The following TMEM132C variants were observed in gnomAD, a reference collection of about 807,000 sequenced individuals.
The protein encoded by TMEM132C is transmembrane protein 132C.
Under a neutral mutation model 61.4 loss-of-function variants are expected in TMEM132C, and 29 were observed. The observed-to-expected ratio is 0.47, with a 90% CI of 0.35 to 0.64. TMEM132C has a LOEUF of 0.64. TMEM132C is among the 30% of genes least tolerant of loss of function. The pLI is 0.00. For synonymous variants in TMEM132C, 656 were observed against 633.1 expected, an observed-to-expected ratio of 1.04 and a Z score of -0.54; for missense variants, 1,408 against 1,476.9, an observed-to-expected ratio of 0.95 and a Z score of 0.76.
At chr12:128,354,680 T>A (rs372520472) in intron 1 of TMEM132C, among the ~76,000 whole-genome samples, 12 of 152,092 alleles carry the variant, frequency 7.9e-5, no homozygotes, top group African/African-American at 2.7e-4. Flanking sequence ...ATTTAAGGGG[T>A]TTGTCAGGAG....
intron 2 of TMEM132C, among the ~76,000 whole-genome samples, chr12:128,427,387 G>GGTGTGTGTGTGTGT (rs761620460): frequency 1.5e-3 from 192 of 132,322 alleles, no homozygotes; most frequent in African/African-American, 4.3e-3. Flanking sequence ...CTTCCAAAGG[G>GGTGTGTGTGTGTGT]GTGTGTGTGT....
At chr12:128,330,296 G>A (rs1384512302) in intron 1 of TMEM132C, among the ~76,000 whole-genome samples, 1 of 152,208 alleles carries the variant, frequency 6.6e-6, no homozygotes, top group East Asian at 1.9e-4. Context: ...ATTTGATTGA[G>A]TAAACTAATG....
chr12:128,419,306 C>T (rs1713581), intron 2 of TMEM132C, among the ~76,000 whole-genome samples: 70,949 of 151,970 alleles, frequency 0.47, 17,111 homozygotes, highest in South Asian at 0.75. Context: ...AGCCAGCTGG[C>T]AAAGACAGAG....
chr12:128,415,086 T>C lies in TMEM132C; in HGVS notation c.440T>C (p.Val147Ala). 6.2e-7 allele frequency: 1 copy of C among 1,605,626 alleles called. No individual in the cohort carries two copies. The highest frequency in any genetic ancestry group is 2.3e-5 in the East Asian group (1 of 44,420). The change falls in exon 2 of 9, where the codon GTG (valine) becomes GCG (alanine). Residue 147 changes from valine to alanine, a missense_variant. Physicochemically the swap from Val to Ala is moderately conservative, Grantham distance 64. Transcript: ENST00000435159. The surrounding 1 kb of genome is among the most constrained non-coding windows in gnomAD (Gnocchi z 5.8). ...AAAGTCTACCTGAGCCGGCCCAAAGTGCAGGTTCTTTTCCACATCATGGGC... is the reference window on the plus strand; with the variant it reads ...AAAGTCTACCTGAGCCGGCCCAAAGCGCAGGTTCTTTTCCACATCATGGGC... ...RDKVYLSRPK[V>A]QVLFHIMGRD...
intron 1 of TMEM132C, among the ~76,000 whole-genome samples, chr12:128,370,997 T>C (rs1434944500): frequency 6.6e-6 from 1 of 152,040 alleles, no homozygotes; most frequent in Admixed American, 6.6e-5. Flanking sequence ...CCGATAGAAG[T>C]GGTGAAGCAG....
chr12:128,506,232 G>A lies in TMEM132C; in HGVS notation c.975-37725G>A, dbSNP rs139244167. 2.0e-5 allele frequency among the ~76,000 whole-genome samples: 3 copies of A among 152,308 alleles called. No individual in the cohort carries two copies. In the East Asian group the frequency reaches 5.8e-4, roughly 29 times the overall value. On this transcript the variant is annotated intron_variant, in intron 2 of 8. Coordinates refer to ENST00000435159, the MANE Select transcript of TMEM132C (RefSeq NM_001136103.3). ...CAGGAGAAAGCAGTGGGGAATGGCT[G>A]GGGGCAGCCAGCCTCAGCATCATCT...
intron 2 of TMEM132C, among the ~76,000 whole-genome samples, chr12:128,433,320 A>G (rs977333363): frequency 6.6e-6 from 1 of 152,240 alleles, no homozygotes; most frequent in Non-Finnish European, 1.5e-5. Context: ...CAGAACAAAA[A>G]GACGACTGTG....
intron 2 of TMEM132C, among the ~76,000 whole-genome samples, chr12:128,523,360 G>T (rs913433102): frequency 1.3e-5 from 2 of 152,200 alleles, no homozygotes; most frequent in African/African-American, 4.8e-5. Context: ...TTGCAATACT[G>T]TGCCGATGCT....
intron 2 of TMEM132C, among the ~76,000 whole-genome samples, chr12:128,487,503 T>G (rs1823035782): frequency 6.6e-6 from 1 of 151,984 alleles, no homozygotes; most frequent in South Asian, 2.1e-4. Context: ...TATGCCTGCA[T>G]GTATATGTGC....
At chr12:128,655,470 A>C (rs7135137) in intron 4 of TMEM132C, among the ~76,000 whole-genome samples, 35,949 of 151,680 alleles carry the variant, frequency 0.24, 5,473 homozygotes, top group African/African-American at 0.43. Flanking sequence ...TCTGCCCTGA[A>C]TCCAGAACCC....
intron 6 of TMEM132C, 114 bp from the exon 7 acceptor site, chr12:128,695,716 G>A: frequency 8.3e-7 from 1 of 1,205,664 alleles, no homozygotes. Context: ...GCATGGTCCT[G>A]GCGCTCGTGT....
chr12:128,581,514 C>T (rs1303711716), intron 3 of TMEM132C, among the ~76,000 whole-genome samples: 3 of 152,190 alleles, frequency 2.0e-5, no homozygotes, highest in Non-Finnish European at 2.9e-5. Flanking sequence ...GATGGATTCT[C>T]ATCACAGCAG....
intron 2 of TMEM132C, among the ~76,000 whole-genome samples, chr12:128,512,047 C>T (rs1249984955): frequency 1.3e-5 from 2 of 152,210 alleles, no homozygotes; most frequent in Admixed American, 6.5e-5. Flanking sequence ...CGAGCTCCGC[C>T]CCTGTCGGCC....
intron 4 of TMEM132C, among the ~76,000 whole-genome samples, chr12:128,622,413 T>G (rs1953977744): frequency 6.1e-5 from 7 of 114,438 alleles, no homozygotes; most frequent in Admixed American, 4.2e-4. Flanking sequence ...CCAGGAAACA[T>G]TCCCAGGGTG....
chr12:128,357,586 TC>T (rs1873550639), intron 1 of TMEM132C, among the ~76,000 whole-genome samples: 11 of 150,258 alleles, frequency 7.3e-5, no homozygotes, highest in African/African-American at 2.2e-4. Flanking sequence ...TCCCAGCTAC[TC>T]AGGAGGCTGA....
Position 128,706,678 on chromosome 12 carries a change from A to G in TMEM132C, c.*383A>G, listed in dbSNP as rs1344875616. 1.8e-5 allele frequency: 3 copies of G among 162,544 alleles called. No homozygotes were observed. Among genetic ancestry groups the G allele is most frequent in the South Asian group, 4.0e-4 (2 of 5,056 alleles). 10.1% of individuals were successfully genotyped at this position (162,544 alleles called of 1,614,324 possible). A position where few individuals can be genotyped will look rare whatever the true frequency, so the allele number is the denominator to read the frequency against. On this transcript the variant is annotated 3_prime_UTR_variant, in exon 9 of 9. Transcript: ENST00000435159. ...TAATCATCTGTTTATATTTCTAATA[A>G]AGGAGCAAAATATAAAAATAGGACC...
At chr12:128,354,558 T>C (rs1257963976) in intron 1 of TMEM132C, among the ~76,000 whole-genome samples, 1 of 151,574 alleles carries the variant, frequency 6.6e-6, no homozygotes, top group African/African-American at 2.4e-5. Flanking sequence ...TCTCTCTTCC[T>C]TCTCTTCCAC....
In TMEM132C at chr12:128,652,274, C is replaced by T. The variant is rs560535012; in HGVS notation, c.1306-17143C>T. The stretch of plus-strand genomic sequence containing the variant: ...TTTCTTGTTGGCTGTGGGGCGGGGT[C>T]GGTGCCAGGAGCAGAGCTGCACAGA... On this transcript the variant is annotated intron_variant, in intron 4 of 8. Coordinates refer to ENST00000435159, the MANE Select transcript of TMEM132C (RefSeq NM_001136103.3). 4.6e-5 allele frequency among the ~76,000 whole-genome samples: 7 copies of T among 152,254 alleles called. 1 individual carries two copies. Among genetic ancestry groups the T allele is most frequent in the South Asian group, 2.1e-4 (1 of 4,818 alleles).
intron 2 of TMEM132C, among the ~76,000 whole-genome samples, chr12:128,537,992 T>A (rs1395805083): frequency 6.6e-6 from 1 of 152,220 alleles, no homozygotes; most frequent in Non-Finnish European, 1.5e-5. Context: ...TTGCCCAGGC[T>A]GGAGTGTAGC....
Sources: allele counts gnomAD v4.1 joint callset (sites outside exome capture counted in the v4.1 genomes callset), GRCh38; gene constraint gnomAD v4.1.1; non-coding constraint Gnocchi (gnomAD v3.1); transcripts MANE v1.5; gene names NCBI Gene and HGNC (gene_info 2026-07-23, HGNC 2026-07-21).